HYKK: variants seen among roughly 807,000 people sequenced by gnomAD.
The protein encoded by HYKK is 5-hydroxy-L-lysine kinase.
Under a neutral mutation model 29.7 loss-of-function variants are expected in HYKK, and 19 were observed. The observed-to-expected ratio is 0.64, with a 90% confidence interval of 0.45 to 0.94. HYKK has a LOEUF of 0.94. HYKK is among the 40% of genes least tolerant of loss of function. The pLI, the probability that HYKK is intolerant of heterozygous loss-of-function variation, is 0.00. For synonymous variants in HYKK, 152 were observed against 158.1 expected (o/e 0.96, Z 0.29); for missense variants, 390 against 443.4 (o/e 0.88, Z 1.08).
chr15:78,525,601 G>C (rs1358679592), intron 3 of HYKK, among the ~76,000 whole-genome samples: 1 of 149,218 alleles, frequency 6.7e-6, no homozygotes. Flanking sequence ...AGGTTCAAGC[G>C]ATTCTCCTGC....
At chr15:78,526,945 CAGTG>C (rs2052260580) in intron 3 of HYKK, among the ~76,000 whole-genome samples, 2 of 152,080 alleles carry the variant, frequency 1.3e-5, no homozygotes, top group Admixed American at 1.3e-4. Flanking sequence ...TCTCTTGTGA[CAGTG>C]AGTGAGTTCT....
At chr15:78,526,191 A>G (rs1286850482) in intron 3 of HYKK, among the ~76,000 whole-genome samples, 1 of 152,368 alleles carries the variant, frequency 6.6e-6, no homozygotes, top group East Asian at 1.9e-4. Flanking sequence ...AACATCCTTT[A>G]ATTCAGCAAA....
At chr15:78,510,267 C>G (rs764084596) in intron 1 of HYKK, among the ~76,000 whole-genome samples, 7 of 152,028 alleles carry the variant, frequency 4.6e-5, no homozygotes, top group Non-Finnish European at 7.4e-5. Flanking sequence ...ACTGCAACCT[C>G]CACCCCTCTG....
intron 4 of HYKK, among the ~76,000 whole-genome samples, chr15:78,529,075 C>T (rs982350386): frequency 6.6e-6 from 1 of 152,194 alleles, no homozygotes; most frequent in African/African-American, 2.4e-5. Flanking sequence ...CAGTCAAATT[C>T]TATCCATTCT....
At position 78,524,675 on chromosome 15, in the gene HYKK, G is replaced by C. The variant is rs77349058; in HGVS notation, c.478-2705G>C. ...AACACAAAAATTAGCTGGGCCTGGTGGTGGGTGCCTGTAATCCCAGCTACT... is the reference window on the plus strand; with the variant it reads ...AACACAAAAATTAGCTGGGCCTGGTCGTGGGTGCCTGTAATCCCAGCTACT... On this transcript the variant is annotated intron_variant, in intron 3 of 4. Coordinates refer to ENST00000388988, the MANE Select transcript of HYKK (RefSeq NM_001013619.4). Among the ~76,000 whole-genome samples the C allele has an allele frequency of 8.6e-4, 131 of 152,252 alleles. 3 individuals carry two copies. In the East Asian group the frequency reaches 0.021, roughly 24 times the overall value.
chr15:78,523,951 C>A (rs1238802197), intron 3 of HYKK, among the ~76,000 whole-genome samples: 8 of 152,248 alleles, frequency 5.3e-5, no homozygotes, highest in Admixed American at 5.2e-4. Context: ...AAGGTTCAGC[C>A]CCTGTGGCTG....
chr15:78,523,128 A>G (rs2052215154), intron 3 of HYKK, among the ~76,000 whole-genome samples: 1 of 152,220 alleles, frequency 6.6e-6, no homozygotes, highest in South Asian at 2.1e-4. Flanking sequence ...TCAAATTGCT[A>G]TAAAGAAATA....
intron 1 of HYKK, among the ~76,000 whole-genome samples, chr15:78,509,539 C>T (rs1043412568): frequency 1.2e-4 from 19 of 152,216 alleles, no homozygotes. Context: ...TTCCTTACAA[C>T]TTTAAGAACT....
At chr15:78,527,285 CAA>C (rs564443255) in intron 3 of HYKK, 93 bp from the exon 4 acceptor site, 83,003 of 737,328 alleles carry the variant, frequency 0.11, 9 homozygotes, top group East Asian at 0.18. Flanking sequence ...GACTCTGTCT[CAA>C]AAAAAAAAAA....
intron 3 of HYKK, among the ~76,000 whole-genome samples, chr15:78,526,133 G>A (rs899421622): frequency 1.3e-5 from 2 of 152,156 alleles, no homozygotes; most frequent in African/African-American, 4.8e-5. Context: ...TAGATAGAGT[G>A]GTCAAAGTCT....
At chr15:78,536,693 T>C (rs2052366182), downstream of HYKK, 1 of 152,240 alleles carries the variant, frequency 6.6e-6, no homozygotes, top group Admixed American at 6.5e-5. Flanking sequence ...TTCATGTGGT[T>C]TATATAAACT....
At position 78,535,819 on chromosome 15, in the gene HYKK, GC is replaced by G. The variant is rs952677905; in HGVS notation, c.*2150del. The G allele has an allele frequency of 6.6e-6, 1 of 152,306 alleles. No homozygotes were observed. The highest frequency in any genetic ancestry group is 2.4e-5 in the African/African-American group (1 of 41,376). 9.4% of individuals were successfully genotyped at this position (152,306 alleles called of 1,614,324 possible). On this transcript the variant is annotated 3_prime_UTR_variant, in exon 5 of 5. Transcript: ENST00000388988. The stretch of plus-strand genomic sequence containing the variant: ...TGCAACCTCTACCTCCTGGGCTCAA[GC>G]AATCCTCCCACCTCAGCCTCCTGAG...
Position 78,507,618 on chromosome 15 carries a change from C to T in HYKK, c.-59C>T, listed in dbSNP as rs918249379. The T allele has an allele frequency of 6.6e-6, 1 of 152,372 alleles. No homozygotes were observed. Among genetic ancestry groups the T allele is most frequent in the African/African-American group, 2.4e-5 (1 of 41,456 alleles). The allele number at this position is 152,372 out of a possible 1,614,324, so 9.4% of individuals were successfully genotyped here. On this transcript the variant is annotated 5_prime_UTR_variant, in exon 1 of 5. Coordinates refer to ENST00000388988, the MANE Select transcript of HYKK (RefSeq NM_001013619.4). ...TAGCGCCGGTGCGCGGCCGAGGCCG[C>T]ACTACCTGTCTGCGGGAAAGCGGGA...
At chr15:78,523,872 A>C (rs550638905) in intron 3 of HYKK, among the ~76,000 whole-genome samples, 17 of 152,380 alleles carry the variant, frequency 1.1e-4, no homozygotes, top group Non-Finnish European at 2.2e-4. Context: ...TCCATGTCCC[A>C]CATCCAAGGC....
chr15:78,522,952 G>A (rs2052213357), intron 3 of HYKK, among the ~76,000 whole-genome samples: 1 of 152,084 alleles, frequency 6.6e-6, no homozygotes, highest in South Asian at 2.1e-4. Context: ...TCAAAAATCT[G>A]GAGGACTAAT....
chr15:78,534,431 T>C lies in HYKK; in HGVS notation c.*761T>C, dbSNP rs2052343121. The C allele has an allele frequency of 6.6e-6, 1 of 151,982 alleles. No individual in the cohort carries two copies. The highest frequency in any genetic ancestry group is 2.4e-5 in the African/African-American group (1 of 41,312). The allele number at this position is 151,982 out of a possible 1,614,324, so 9.4% of individuals were successfully genotyped here. On this transcript the variant is annotated 3_prime_UTR_variant, in exon 5 of 5. Transcript: ENST00000388988. ...CGCCCGGCTAATTTTTTTTGTATTT[T>C]TAGTAGAGACAGGGTTTCACCGTGT...
intron 3 of HYKK, 75 bp from the exon 4 acceptor site, chr15:78,527,305 A>AATT: frequency 4.3e-6 from 5 of 1,165,378 alleles, no homozygotes; most frequent in Non-Finnish European, 6.0e-6. Flanking sequence ...AAAAAAAAAA[A>AATT]TGTGCAGCAC....
chr15:78,509,287 A>T (rs1195609882), intron 1 of HYKK, among the ~76,000 whole-genome samples: 1 of 152,234 alleles, frequency 6.6e-6, no homozygotes, highest in East Asian at 1.9e-4. Flanking sequence ...ACTCTGTTTT[A>T]GAGGAGACAT....
Position 78,533,194 on chromosome 15 carries a change from A to G in HYKK, c.662-16A>G, listed in dbSNP as rs1364631012. ...GATATTCAATAACTGTTTTTACATGATTTTTCTACTTTCAGGTATCAATCA... is the reference window on the plus strand; with the variant it reads ...GATATTCAATAACTGTTTTTACATGGTTTTTCTACTTTCAGGTATCAATCA... On this transcript the variant is annotated splice_polypyrimidine_tract_variant and intron_variant, in intron 4 of 4. Transcript: ENST00000388988. The G allele has an allele frequency of 6.7e-6, 10 of 1,484,332 alleles. No individual in the cohort carries two copies. Among genetic ancestry groups the G allele is most frequent in the Non-Finnish European group, 9.3e-6 (10 of 1,072,458 alleles). The allele number at this position is 1,484,332 out of a possible 1,614,324, so 91.9% of individuals were successfully genotyped here.
Sources: gnomAD v4.1 joint callset for allele counts (sites outside exome capture counted in the v4.1 genomes callset) on GRCh38, gnomAD v4.1.1 for gene constraint, MANE v1.5 for transcripts, NCBI Gene and HGNC (gene_info 2026-07-23, HGNC 2026-07-21) for gene names.